The following PRELID2 variants were observed in gnomAD, a reference collection of about 807,000 sequenced individuals.
The protein encoded by PRELID2 is PRELI domain containing 2.
A neutral mutation model predicts 28.4 loss-of-function variants in PRELID2; 25 were observed. The observed-to-expected ratio is 0.88, with a 90% CI of 0.64 to 1.23. The LOEUF is 1.23. Among genes scored for constraint, PRELID2 ranks in the 50% most tolerant of loss-of-function variants. The pLI is 0.00. For synonymous variants in PRELID2, 76 were observed against 71.6 expected (o/e 1.06, Z -0.31); for missense variants, 201 against 214.4 (o/e 0.94, Z 0.39).
the PRELID2 span, among the ~76,000 whole-genome samples, chr5:145,367,684 G>A: frequency 1.2e-4 from 18 of 151,916 alleles, no homozygotes; most frequent in East Asian, 3.9e-4. Context: ...TTTCCATAAC[G>A]TCAAGTAATT....
At chr5:145,326,400 A>G in the PRELID2 span, among the ~76,000 whole-genome samples, 873 of 152,328 alleles carry the variant, frequency 5.7e-3, 9 homozygotes, top group African/African-American at 0.019. Flanking sequence ...ACAAGCTGAT[A>G]CTAGAATTCA....
the PRELID2 span, among the ~76,000 whole-genome samples, chr5:145,236,153 T>C: frequency 6.6e-6 from 1 of 152,054 alleles, no homozygotes; most frequent in Admixed American, 6.6e-5. Context: ...CTTAATAAGA[T>C]TACAAGGAAG....
chr5:145,292,575 G>A, the PRELID2 span, among the ~76,000 whole-genome samples: 1 of 152,166 alleles, frequency 6.6e-6, no homozygotes, highest in Non-Finnish European at 1.5e-5. Flanking sequence ...GCAAAAGCTT[G>A]AATAAACTAA....
chr5:145,234,850 A>G, the PRELID2 span, among the ~76,000 whole-genome samples: 1 of 152,116 alleles, frequency 6.6e-6, no homozygotes, highest in Non-Finnish European at 1.5e-5. Flanking sequence ...ATCACAGCTG[A>G]GACCTGAGGA....
At chr5:145,310,862 T>C in the PRELID2 span, among the ~76,000 whole-genome samples, 93 of 152,184 alleles carry the variant, frequency 6.1e-4, no homozygotes, top group Non-Finnish European at 1.2e-3. Flanking sequence ...TCTCCCTTTT[T>C]TTTTTCAAAC....
chr5:145,821,102 GAC>G (rs1272776196), intron 2 of PRELID2, among the ~76,000 whole-genome samples: 3 of 149,386 alleles, frequency 2.0e-5, no homozygotes, highest in Non-Finnish European at 4.4e-5. Flanking sequence ...ACTTTAGAGA[GAC>G]AGTTAACAAC....
At chr5:145,615,638 T>C (rs985061157) in intron 1 of PRELID2, among the ~76,000 whole-genome samples, 5 of 152,262 alleles carry the variant, frequency 3.3e-5, no homozygotes, top group Admixed American at 3.3e-4. Context: ...GAGTCTCTTA[T>C]AGGTGGTAGA....
chr5:145,834,900 G>A (rs1332739692), intron 1 of PRELID2: 1 of 378,206 alleles, frequency 2.6e-6, no homozygotes, highest in Non-Finnish European at 4.8e-6. Flanking sequence ...CAACTCCACG[G>A]AGCTCACGAG....
At chr5:145,652,366 C>G (rs1754313468) in intron 1 of PRELID2, among the ~76,000 whole-genome samples, 1 of 152,194 alleles carries the variant, frequency 6.6e-6, no homozygotes, top group Non-Finnish European at 1.5e-5. Context: ...CCTAGCAAGG[C>G]AGGCCAACAT....
chr5:145,739,150 C>T (rs1425231934), intron 1 of PRELID2, among the ~76,000 whole-genome samples: 1 of 152,128 alleles, frequency 6.6e-6, no homozygotes, highest in African/African-American at 2.4e-5. Flanking sequence ...TAGTCACCAG[C>T]AGACTACCCT....
At chr5:145,248,213 C>G in the PRELID2 span, among the ~76,000 whole-genome samples, 1 of 152,074 alleles carries the variant, frequency 6.6e-6, no homozygotes, top group African/African-American at 2.4e-5. Context: ...TTCGTTCCCC[C>G]CCCTTCTTAA....
chr5:145,651,265 C>T (rs1355528513), intron 1 of PRELID2, among the ~76,000 whole-genome samples: 2 of 152,190 alleles, frequency 1.3e-5, no homozygotes, highest in African/African-American at 2.4e-5. Context: ...CCTGGAAGCT[C>T]GAACTGGGTG....
chr5:145,753,361 G>A (rs886327793), downstream of PRELID2, among the ~76,000 whole-genome samples: 4 of 152,144 alleles, frequency 2.6e-5, no homozygotes, highest in African/African-American at 9.7e-5. Context: ...TTTCTGCAAG[G>A]GGTTCTATTC....
At chr5:145,380,475 C>A in the PRELID2 span, among the ~76,000 whole-genome samples, 4 of 152,180 alleles carry the variant, frequency 2.6e-5, no homozygotes, top group Non-Finnish European at 5.9e-5. Context: ...CTAAATGCCC[C>A]CATGTGGCAT....
the PRELID2 span, among the ~76,000 whole-genome samples, chr5:145,443,220 T>C: frequency 1.9e-3 from 292 of 152,206 alleles, 7 homozygotes; most frequent in East Asian, 0.045. Context: ...CAATTTTTCA[T>C]TTACAATAAT....
the PRELID2 span, among the ~76,000 whole-genome samples, chr5:145,429,657 G>C: frequency 6.6e-6 from 1 of 152,202 alleles, no homozygotes; most frequent in South Asian, 2.1e-4. Flanking sequence ...AGGGAACCTA[G>C]TTCATTATGT....
At chr5:145,667,559 A>G (rs568321686) in intron 1 of PRELID2, among the ~76,000 whole-genome samples, 1 of 152,186 alleles carries the variant, frequency 6.6e-6, no homozygotes, top group Non-Finnish European at 1.5e-5. Flanking sequence ...AGAGTCATCA[A>G]TTTGACACAG....
chr5:145,571,292 CAA>C (rs1753013063), intron 1 of PRELID2, among the ~76,000 whole-genome samples: 1 of 152,128 alleles, frequency 6.6e-6, no homozygotes, highest in African/African-American at 2.4e-5. Flanking sequence ...AAGGGCATTC[CAA>C]AGTTAACCTG....
At chr5:145,687,700 A>G (rs1423120403) in intron 1 of PRELID2, among the ~76,000 whole-genome samples, 2 of 152,210 alleles carry the variant, frequency 1.3e-5, no homozygotes, top group Non-Finnish European at 2.9e-5. Flanking sequence ...GGGATGCTCA[A>G]TGATTTTTTT....
Sources: gnomAD v4.1 joint callset for allele counts (sites outside exome capture counted in the v4.1 genomes callset) on GRCh38, gnomAD v4.1.1 for gene constraint, MANE v1.5 for transcripts, NCBI Gene and HGNC (gene_info 2026-07-23, HGNC 2026-07-21) for gene names.